The following BMPR1A variants were observed in gnomAD, a reference collection of about 807,000 sequenced individuals.
The protein encoded by BMPR1A is bone morphogenetic protein receptor type-1A.
A neutral mutation model predicts 66.0 loss-of-function variants in BMPR1A; 7 were observed. The ratio of observed to expected loss-of-function variants is 0.11; its 90% CI spans 0.06 to 0.20. The LOEUF (loss-of-function observed/expected upper bound fraction) is 0.20, where lower values mean the gene tolerates loss of function less well. BMPR1A is among the 10% of genes least tolerant of loss of function. The probability of loss-of-function intolerance (pLI) is 1.00; values close to 1 mark genes in which losing one functional copy is unlikely to be tolerated. For synonymous variants in BMPR1A, 200 were observed against 229.7 expected (o/e 0.87, Z 1.17); for missense variants, 408 against 669.1 (o/e 0.61, Z 4.31).
At position 86,805,377 on chromosome 10, in the gene BMPR1A, T is replaced by TACACACACACACACACACACAC. The variant is rs60828047; in HGVS notation, c.-267-33481_-267-33460dup. ...GTTTCTGTCTCTTCACTCCTACCTGTACACACACACACACACACACACACA... is the reference window on the plus strand; with the variant it reads ...GTTTCTGTCTCTTCACTCCTACCTGTACACACACACACACACACACACACACACACACACACACACACACACA... On this transcript the variant is annotated intron_variant, in intron 1 of 12. Transcript: ENST00000372037. Among the ~76,000 whole-genome samples, 636 of 143,026 alleles carry TACACACACACACACACACACAC rather than the reference T, an allele frequency of 4.4e-3. 2 individuals carry two copies. Among genetic ancestry groups the TACACACACACACACACACACAC allele is most frequent in the Middle Eastern group, 0.011 (3 of 284 alleles). The allele number at this position is 143,026 out of a possible 152,430, so 93.8% of individuals were successfully genotyped here. A position where few individuals can be genotyped will look rare whatever the true frequency, so the allele number is the denominator to read the frequency against.
chr10:86,857,636 G>A (rs1842658900), intron 2 of BMPR1A, among the ~76,000 whole-genome samples: 1 of 151,668 alleles, frequency 6.6e-6, no homozygotes, highest in East Asian at 1.9e-4. Context: ...ACACTTCCAT[G>A]TGGCATACTC....
At chr10:86,903,509 A>G (rs1843341235) in intron 7 of BMPR1A, among the ~76,000 whole-genome samples, 2 of 152,030 alleles carry the variant, frequency 1.3e-5, no homozygotes, top group African/African-American at 2.4e-5. Flanking sequence ...ATGGCCTAAT[A>G]TAGATATAAT....
rs1841021994 is a variant in BMPR1A, at chr10:86,760,197, T to TTG, written c.-268+3279_-268+3280insGT. ...TGCCTCAGATTTACCTGTTTTTTTT[T>TTG]TTTTTTTTTTTTAATACCTTATTGT... On this transcript the variant is annotated intron_variant, in intron 1 of 12. Transcript: ENST00000372037. Among the ~76,000 whole-genome samples, 6 of 146,100 alleles carry TTG rather than the reference T, an allele frequency of 4.1e-5. No homozygotes were observed. The East Asian group carries it at 5.8e-4, about 14-fold the overall frequency.
At chr10:86,841,807 G>GCGAAGGTTAAGTTGATCACCAGTGACC (rs1842427906) in intron 2 of BMPR1A, among the ~76,000 whole-genome samples, 1 of 152,100 alleles carries the variant, frequency 6.6e-6, no homozygotes, top group Admixed American at 6.5e-5. Flanking sequence ...GGGGAGAAGG[G>GCGAAGGTTAAGTTGATCACCAGTGACC]CGAAGGTTAA....
intron 1 of BMPR1A, among the ~76,000 whole-genome samples, chr10:86,795,444 G>T (rs1037276091): frequency 1.8e-4 from 27 of 151,110 alleles, no homozygotes; most frequent in African/African-American, 6.3e-4. Context: ...CGCTGTAACA[G>T]TGAATAGATC....
At position 86,923,656 on chromosome 10, in the gene BMPR1A, C is replaced by T. The variant is rs758796892; in HGVS notation, c.1536C>T (p.Leu512=). 102 of 1,614,212 alleles carry T rather than the reference C, an allele frequency of 6.3e-5. 2 individuals are homozygous for T. The South Asian group carries it at 1.0e-3, about 16-fold the overall frequency. ...ECWAHNPASR[L]TALRIKKTLA... ...GGGCCCACAATCCAGCCTCCAGACT[C>T]ACAGCATTGAGAATTAAGAAGACGC... Residue 512 remains leucine (L), a synonymous_variant, in exon 13 of 13, where the codon CTC becomes CTT. Transcript: ENST00000372037.
intron 2 of BMPR1A, among the ~76,000 whole-genome samples, chr10:86,867,769 A>G (rs1027741738): frequency 3.3e-5 from 5 of 152,236 alleles, no homozygotes; most frequent in African/African-American, 1.2e-4. Context: ...GGTGAAGGGT[A>G]TAAAACACAC....
rs1843642250 is a variant in BMPR1A, at chr10:86,920,196, T to TACA, written c.1166+729_1166+731dup. 2.0e-5 allele frequency among the ~76,000 whole-genome samples: 3 copies of TACA among 152,232 alleles called. No homozygotes were observed. The South Asian group carries it at 6.2e-4, about 32-fold the overall frequency. On this transcript the variant is annotated intron_variant, in intron 10 of 12. Coordinates refer to ENST00000372037, the MANE Select transcript of BMPR1A (RefSeq NM_004329.3). The stretch of plus-strand genomic sequence containing the variant: ...TATATATTTGATCCTTGTGCACTTG[T>TACA]ACAAGCATTTCTTCATGATGGATTC...
chr10:86,931,298 C>CACATATATATATATATATAT, downstream of BMPR1A: 18 of 90,908 alleles, frequency 2.0e-4, no homozygotes, highest in African/African-American at 9.9e-4. Context: ...CACACACACA[C>CACATATATATATATATATAT]ATATATATAT....
intron 2 of BMPR1A, among the ~76,000 whole-genome samples, chr10:86,874,159 G>C (rs1340810371): frequency 6.6e-6 from 1 of 152,122 alleles, no homozygotes; most frequent in Non-Finnish European, 1.5e-5. Flanking sequence ...TGGGATGGGG[G>C]TAAAGTAGAA....
At chr10:86,821,341 G>A (rs1842117332) in intron 1 of BMPR1A, among the ~76,000 whole-genome samples, 1 of 152,082 alleles carries the variant, frequency 6.6e-6, no homozygotes, top group South Asian at 2.1e-4. Context: ...ATAATTCTTG[G>A]CACTTAATAA....
At chr10:86,792,946 T>A (rs553620859) in intron 1 of BMPR1A, among the ~76,000 whole-genome samples, 2 of 152,324 alleles carry the variant, frequency 1.3e-5, no homozygotes, top group South Asian at 4.1e-4. Flanking sequence ...TTTATTATTA[T>A]GTCTAGTGCA....
At position 86,924,064 on chromosome 10, in the gene BMPR1A, G is replaced by T; in HGVS notation, c.*345G>T. ...GCCTGTTCATAAAACGGTGCTTTCT[G>T]TGAAAGCCTTAAGAAGATAAATGAG... On this transcript the variant is annotated 3_prime_UTR_variant, in exon 13 of 13. Transcript: ENST00000372037. The T allele has an allele frequency of 2.4e-6, 1 of 411,980 alleles. No individual in the cohort carries two copies. Among genetic ancestry groups the T allele is most frequent in the Non-Finnish European group, 4.5e-6 (1 of 221,696 alleles). The allele number at this position is 411,980 out of a possible 1,614,324, so 25.5% of individuals were successfully genotyped here. A position where few individuals can be genotyped will look rare whatever the true frequency, so the allele number is the denominator to read the frequency against.
intron 1 of BMPR1A, among the ~76,000 whole-genome samples, chr10:86,778,809 C>T (rs1841393880): frequency 6.6e-6 from 1 of 152,014 alleles, no homozygotes; most frequent in Non-Finnish European, 1.5e-5. Context: ...TTTTTAGTTT[C>T]CACATGAGTG....
intron 1 of BMPR1A, among the ~76,000 whole-genome samples, chr10:86,764,669 C>G (rs982818256): frequency 2.0e-5 from 3 of 152,180 alleles, no homozygotes; most frequent in African/African-American, 7.2e-5. Flanking sequence ...TCCTTTCCTA[C>G]TATTTTATCA....
intron 1 of BMPR1A, among the ~76,000 whole-genome samples, chr10:86,782,502 G>GT (rs1319982579): frequency 7.9e-5 from 12 of 151,354 alleles, no homozygotes; most frequent in African/African-American, 4.9e-5. Flanking sequence ...TTGGTTTTCT[G>GT]TTTTTTTGTT....
At chr10:86,818,111 C>T (rs770623628) in intron 1 of BMPR1A, among the ~76,000 whole-genome samples, 7 of 152,156 alleles carry the variant, frequency 4.6e-5, no homozygotes, top group Non-Finnish European at 7.3e-5. Flanking sequence ...CTCTGCTTCC[C>T]GGGTTCAAAC....
At chr10:86,892,352 G>A in intron 5 of BMPR1A, 123 bp downstream of exon 5, 2 of 725,884 alleles carry the variant, frequency 2.8e-6, no homozygotes, top group South Asian at 3.2e-5. Context: ...TAAATATATT[G>A]GAGGAATACC....
At chr10:86,821,836 T>C (rs553730743) in intron 1 of BMPR1A, among the ~76,000 whole-genome samples, 10 of 152,044 alleles carry the variant, frequency 6.6e-5, no homozygotes, top group Non-Finnish European at 7.4e-5. Context: ...GACGGGTTCT[T>C]GGCTCTGTGC....
Sources: gnomAD v4.1 joint callset for allele counts (sites outside exome capture counted in the v4.1 genomes callset) on GRCh38, gnomAD v4.1.1 for gene constraint, MANE v1.5 for transcripts, NCBI Gene and HGNC (gene_info 2026-07-23, HGNC 2026-07-21) for gene names.